The following ASTN1 variants were observed in gnomAD, a reference collection of about 807,000 sequenced individuals.
ASTN1 encodes the protein astrotactin 1.
Under a neutral mutation model 140.7 loss-of-function variants are expected in ASTN1, and 41 were observed. That is an observed-to-expected ratio of 0.29 (90% CI 0.23 to 0.38). The LOEUF (loss-of-function observed/expected upper bound fraction) is 0.38. Ranked by LOEUF, ASTN1 falls within the 10% of genes least tolerant of loss-of-function variation. The pLI is 1.00. For synonymous variants in ASTN1, 640 were observed against 652.2 expected, an observed-to-expected ratio of 0.98 and a Z score of 0.29; for missense variants, 1,479 against 1,678.8, an observed-to-expected ratio of 0.88 and a Z score of 2.08.
At position 177,138,743 on chromosome 1, in the gene ASTN1, A is replaced by G. The variant is rs116920444; in HGVS notation, c.283+25651T>C. 5.5e-4 allele frequency among the ~76,000 whole-genome samples: 84 copies of G among 152,314 alleles called. 1 individual carries two copies. In the East Asian group the frequency reaches 0.016, roughly 29 times the overall value. On this transcript the variant is annotated intron_variant, in intron 1 of 22. Transcript: ENST00000361833. ...CAGGATATCACTGAACAGAAAAGGA[A>G]AGAGTGCTTGGGTGCTACCTGAGTG...
At chr1:176,883,288 A>G (rs1463202235) in intron 19 of ASTN1, among the ~76,000 whole-genome samples, 1 of 145,112 alleles carries the variant, frequency 6.9e-6, no homozygotes, top group Non-Finnish European at 1.5e-5. Flanking sequence ...GCTAGAGTGC[A>G]GTGGCGCGAT....
chr1:177,017,479 C>T (rs1402458040), intron 7 of ASTN1, among the ~76,000 whole-genome samples: 1 of 152,202 alleles, frequency 6.6e-6, no homozygotes, highest in Non-Finnish European at 1.5e-5. Flanking sequence ...TAAATCTTGA[C>T]TTTAAGAGGG....
At chr1:176,954,842 C>T (rs1394177319) in intron 11 of ASTN1, among the ~76,000 whole-genome samples, 3 of 152,164 alleles carry the variant, frequency 2.0e-5, no homozygotes, top group Non-Finnish European at 2.9e-5. Context: ...GTGCCTTTCA[C>T]AGATATTTGT....
At chr1:176,880,625 A>G (rs1224332279) in intron 20 of ASTN1, among the ~76,000 whole-genome samples, 2 of 152,232 alleles carry the variant, frequency 1.3e-5, no homozygotes, top group Non-Finnish European at 1.5e-5. Flanking sequence ...TTTAAAAAGC[A>G]TTAAATAAAA....
At chr1:176,876,181 A>G (rs17313055) in intron 21 of ASTN1, among the ~76,000 whole-genome samples, 9,138 of 152,292 alleles carry the variant, frequency 0.06, 353 homozygotes, top group Non-Finnish European at 0.087. Flanking sequence ...GATGTACAAA[A>G]ACCTATAGAC....
rs1161537172 is a variant in ASTN1 at position 176,949,361 on chromosome 1, T to C, written c.1888-10A>G. 1.2e-6 allele frequency: 2 copies of C among 1,609,578 alleles called. No individual in the cohort carries two copies. Among genetic ancestry groups the C allele is most frequent in the East Asian group, 4.5e-5 (2 of 44,736 alleles). ...TGAGTCCAGATGGGCACTGGCACAA[T>C]CAGAAAACATCCACATACGTGGGTG... On this transcript the variant is annotated splice_polypyrimidine_tract_variant and intron_variant, in intron 11 of 22. Coordinates refer to ENST00000361833, the MANE Select transcript of ASTN1 (RefSeq NM_004319.3).
chr1:177,029,282 A>C, intron 5 of ASTN1: 1 of 489,850 alleles, frequency 2.0e-6, no homozygotes, highest in Admixed American at 2.3e-5. Flanking sequence ...TATAGTATCC[A>C]TCTTTTCACA....
rs1294042200 is a variant in ASTN1, at chr1:176,957,775, G to A, written c.1790C>T (p.Ser597Phe). The A allele has an allele frequency of 2.5e-6, 4 of 1,614,002 alleles. No homozygotes were observed. The highest frequency in any genetic ancestry group is 2.2e-5 in the South Asian group (2 of 91,064). The change falls in exon 11 of 23, where the codon TCC becomes TTC. Residue 597 changes from serine (S) to phenylalanine (F), a missense_variant. Around this residue, in one of 3 missense-constraint regions of ASTN1, gnomAD observed 729 missense variants for 860.4 expected, o/e 0.85. Transcript: ENST00000361833. ...SFDSLEVLLD[S>F]FGPVRDCSKD... is the part of the protein sequence containing the mutation. The stretch of plus-strand genomic sequence containing the variant: ...GCTGCAGTCGCGCACCGGCCCAAAG[G>A]AATCTAAGAGAACCTCCAGGCTGTC...
chr1:177,142,026 T>G (rs6667502), intron 1 of ASTN1, among the ~76,000 whole-genome samples: 2 of 151,920 alleles, frequency 1.3e-5, no homozygotes, highest in African/African-American at 2.4e-5. Flanking sequence ...ATGCCCTTCA[T>G]GCATCCAGGG....
At chr1:177,065,931 T>G (rs775897158) in intron 1 of ASTN1, among the ~76,000 whole-genome samples, 2 of 152,056 alleles carry the variant, frequency 1.3e-5, no homozygotes, top group African/African-American at 2.4e-5. Context: ...AAACAGTGAG[T>G]TGAGGTGGAG....
At chr1:176,995,541 C>A (rs1237838324) in intron 8 of ASTN1, among the ~76,000 whole-genome samples, 3 of 152,112 alleles carry the variant, frequency 2.0e-5, no homozygotes, top group African/African-American at 7.2e-5. Context: ...TGTAGGATAG[C>A]ACGGCACACA....
intron 10 of ASTN1, among the ~76,000 whole-genome samples, 174 bp from the exon 11 acceptor site, chr1:176,958,002 C>T (rs955002717): frequency 7.9e-5 from 12 of 152,162 alleles, no homozygotes; most frequent in Non-Finnish European, 1.3e-4. Context: ...GGGCATTCTC[C>T]GTATCTAGGA....
At chr1:176,989,810 T>C (rs1335270037) in intron 8 of ASTN1, among the ~76,000 whole-genome samples, 2 of 152,090 alleles carry the variant, frequency 1.3e-5, no homozygotes, top group Admixed American at 6.6e-5. Flanking sequence ...AGCTTCAGTA[T>C]CAAGTTGAGC....
intron 1 of ASTN1, among the ~76,000 whole-genome samples, chr1:177,128,068 C>T (rs1299014566): frequency 6.6e-6 from 1 of 152,086 alleles, no homozygotes; most frequent in African/African-American, 2.4e-5. Flanking sequence ...TGGGGGGCTT[C>T]ATCTTTTCTT....
At chr1:177,150,372 G>T (rs530486857) in intron 1 of ASTN1, among the ~76,000 whole-genome samples, 2 of 152,124 alleles carry the variant, frequency 1.3e-5, no homozygotes, top group African/African-American at 2.4e-5. Context: ...TTCAGTCTGG[G>T]GGTAAAGGTA....
At chr1:177,043,879 CT>C (rs1397985336) in intron 2 of ASTN1, among the ~76,000 whole-genome samples, 1 of 152,122 alleles carries the variant, frequency 6.6e-6, no homozygotes, top group Non-Finnish European at 1.5e-5. Flanking sequence ...TCAAAAAAGT[CT>C]TCTTTGGGGC....
chr1:177,093,090 A>G (rs1679843050), intron 1 of ASTN1, among the ~76,000 whole-genome samples: 1 of 152,202 alleles, frequency 6.6e-6, no homozygotes, highest in African/African-American at 2.4e-5. Context: ...GTCACTGTGC[A>G]TGACCAGTAC....
intron 17 of ASTN1, among the ~76,000 whole-genome samples, chr1:176,891,744 G>C (rs548049107): frequency 1.3e-5 from 2 of 152,190 alleles, no homozygotes; most frequent in Admixed American, 6.5e-5. Context: ...AGTGAGCCAA[G>C]AACATGCCAT....
At chr1:176,945,849 C>T in intron 13 of ASTN1, 77 bp downstream of exon 13, 2 of 1,408,560 alleles carry the variant, frequency 1.4e-6, no homozygotes, top group South Asian at 2.8e-5. Flanking sequence ...ACATATAAAG[C>T]TTTATGCTAG....
Sources: gnomAD v4.1 joint callset for allele counts (sites outside exome capture counted in the v4.1 genomes callset) on GRCh38, gnomAD v4.1.1 for gene constraint, gnomAD v4.1.1 regional missense constraint, MANE v1.5 for transcripts, NCBI Gene and HGNC (gene_info 2026-07-23, HGNC 2026-07-21) for gene names.